Variants in RIGI observed in about 807,000 individuals in gnomAD.
RIGI encodes RNA sensor RIG-I.
the RIGI span, chr9:32,487,702 ACT>A: frequency 6.4e-7 from 1 of 1,560,020 alleles, no homozygotes. Context: ...CCCTCATATA[ACT>A]CTTTCCTGCT....
chr9:32,472,903 A>C, the RIGI span: 1 of 889,928 alleles, frequency 1.1e-6, no homozygotes, highest in South Asian at 2.0e-5. Context: ...ATACACACAC[A>C]CATATACATA....
chr9:32,469,020 C>T, the RIGI span, among the ~76,000 whole-genome samples: 1 of 152,156 alleles, frequency 6.6e-6, no homozygotes, highest in African/African-American at 2.4e-5. Flanking sequence ...TAAAAATTGT[C>T]CATGTTCTTG....
the RIGI span, chr9:32,487,918 G>A: frequency 1.2e-6 from 2 of 1,610,638 alleles, no homozygotes; most frequent in Non-Finnish European, 1.7e-6. Flanking sequence ...TAGCTCTTCT[G>A]AAGCATTCGT....
chr9:32,520,705 C>T, the RIGI span, among the ~76,000 whole-genome samples: 1 of 152,166 alleles, frequency 6.6e-6, no homozygotes, highest in Non-Finnish European at 1.5e-5. Flanking sequence ...ATCAAAAGCA[C>T]ACTGATGCAA....
At chr9:32,483,292 T>C in the RIGI span, among the ~76,000 whole-genome samples, 1,201 of 152,282 alleles carry the variant, frequency 7.9e-3, 16 homozygotes, top group African/African-American at 0.027. Flanking sequence ...ACAAGTAGTA[T>C]TGACATGCTT....
chr9:32,468,057 G>T, the RIGI span: 1 of 844,348 alleles, frequency 1.2e-6, no homozygotes, highest in Non-Finnish European at 1.8e-6. Flanking sequence ...TTATATCCAT[G>T]ATCTCACAAC....
chr9:32,487,782 T>A, the RIGI span: 3 of 1,260,262 alleles, frequency 2.4e-6, no homozygotes, highest in Non-Finnish European at 3.3e-6. Context: ...TAATGCATAT[T>A]TACTAAGTGA....
chr9:32,460,724 G>T, the RIGI span, among the ~76,000 whole-genome samples: 1 of 151,830 alleles, frequency 6.6e-6, no homozygotes, highest in Non-Finnish European at 1.5e-5. Flanking sequence ...TCAGTGAACT[G>T]AAAGAACAAC....
the RIGI span, among the ~76,000 whole-genome samples, chr9:32,490,798 C>T: frequency 2.0e-5 from 3 of 152,202 alleles, no homozygotes; most frequent in Non-Finnish European, 2.9e-5. Context: ...TCTTGGAGGA[C>T]ACAGCCCCTC....
the RIGI span, among the ~76,000 whole-genome samples, chr9:32,469,168 T>A: frequency 6.6e-6 from 1 of 151,028 alleles, no homozygotes; most frequent in Non-Finnish European, 1.5e-5. Context: ...CACCCCTACC[T>A]ATCTACACTT....
the RIGI span, among the ~76,000 whole-genome samples, chr9:32,525,676 T>C: frequency 4.7e-3 from 723 of 152,324 alleles, 12 homozygotes; most frequent in African/African-American, 0.017. Context: ...ATCTGCCCTT[T>C]GTGTCCCATC....
At chr9:32,515,780 G>A in the RIGI span, among the ~76,000 whole-genome samples, 7 of 152,302 alleles carry the variant, frequency 4.6e-5, no homozygotes, top group South Asian at 8.3e-4. Flanking sequence ...CAAAGTAAGG[G>A]AACGTTTTTT....
chr9:32,515,968 T>C, the RIGI span, among the ~76,000 whole-genome samples: 1 of 152,320 alleles, frequency 6.6e-6, no homozygotes, highest in East Asian at 1.9e-4. Flanking sequence ...CCAGGCTCTT[T>C]CTACTCACAC....
At chr9:32,507,703 T>C in the RIGI span, among the ~76,000 whole-genome samples, 1 of 151,932 alleles carries the variant, frequency 6.6e-6, no homozygotes, top group Non-Finnish European at 1.5e-5. Context: ...AGAAGTACAG[T>C]AGCATGATCA....
At chr9:32,507,993 T>G in the RIGI span, among the ~76,000 whole-genome samples, 1 of 152,092 alleles carries the variant, frequency 6.6e-6, no homozygotes, top group African/African-American at 2.4e-5. Context: ...TCCTATATTT[T>G]CTGGTTAGCT....
chr9:32,494,442 T>C, the RIGI span, among the ~76,000 whole-genome samples: 4 of 152,276 alleles, frequency 2.6e-5, no homozygotes, highest in African/African-American at 7.2e-5. Context: ...TTAAAAGATA[T>C]TTATTTAAAA....
chr9:32,518,949 A>T, the RIGI span, among the ~76,000 whole-genome samples: 7 of 152,304 alleles, frequency 4.6e-5, no homozygotes, highest in East Asian at 1.2e-3. Context: ...GCCTCAAGTG[A>T]TTCACCCATC....
the RIGI span, among the ~76,000 whole-genome samples, chr9:32,493,353 C>T: frequency 6.6e-6 from 1 of 152,296 alleles, no homozygotes; most frequent in African/African-American, 2.4e-5. Context: ...TGGCTGAGCA[C>T]GGTGGCTCAC....
At chr9:32,507,724 T>C in the RIGI span, among the ~76,000 whole-genome samples, 97 of 152,026 alleles carry the variant, frequency 6.4e-4, no homozygotes, top group African/African-American at 2.3e-3. Context: ...TAGCTCACCA[T>C]AGGCTCAATT....
Sources: gnomAD v4.1 joint callset for allele counts (sites outside exome capture counted in the v4.1 genomes callset) on GRCh38, gnomAD v4.1.1 for gene constraint, MANE v1.5 for transcripts, NCBI Gene and HGNC (gene_info 2026-07-23, HGNC 2026-07-21) for gene names.